Variants in LAMA4 observed in about 807,000 individuals in gnomAD.
LAMA4 encodes laminin subunit alpha-4.
A neutral mutation model predicts 207.1 loss-of-function variants in LAMA4; 127 were observed. The ratio of observed to expected loss-of-function variants is 0.61; its 90% confidence interval spans 0.53 to 0.71. The LOEUF (loss-of-function observed/expected upper bound fraction) is 0.71, where lower values mean the gene tolerates loss of function less well. Ranked by LOEUF, LAMA4 falls within the 30% of genes least tolerant of loss-of-function variation. LAMA4 has a pLI of 0.00. For missense variants in LAMA4, 2,093 were observed against 2,246.5 expected, an observed-to-expected ratio of 0.93 and a Z score of 1.38; for synonymous variants, 761 against 816.0, an observed-to-expected ratio of 0.93 and a Z score of 1.15.
Position 112,178,137 on chromosome 6 carries a change from C to T in LAMA4, c.1173G>A (p.Met391Ile). The T allele has an allele frequency of 6.2e-7, 1 of 1,611,410 alleles. No homozygotes were observed. The highest frequency in any genetic ancestry group is 1.1e-5 in the South Asian group (1 of 91,022). The change falls in exon 10 of 39, where the codon ATG becomes ATA. Residue 391 changes from methionine (M) to isoleucine (I), a missense_variant. This residue lies in a region of LAMA4 where 1,704 missense variants were observed against 1,788.4 expected (regional missense o/e 0.95). Transcript: ENST00000230538. ...TATATTTACCTTGGATTTTATCCCT[C>T]ATATCATGGGCTTGCTCTACCAGCT... is the stretch of plus-strand genomic sequence containing the variant. ...ASQLVEQAHD[M>I]RDKIQEINNK...
chr6:112,178,297 TA>T (rs1247981293), intron 9 of LAMA4, 65 bp from the exon 10 acceptor site: 6 of 1,125,398 alleles, frequency 5.3e-6, no homozygotes, highest in African/African-American at 4.6e-5. Flanking sequence ...TAAGCACAGA[TA>T]GGGGTGGGTG....
chr6:112,201,191 A>C (rs1783726811), intron 5 of LAMA4, among the ~76,000 whole-genome samples: 1 of 152,110 alleles, frequency 6.6e-6, no homozygotes, highest in East Asian at 1.9e-4. Context: ...GTTTTTTTCT[A>C]ATTTATTGCT....
intron 6 of LAMA4, among the ~76,000 whole-genome samples, chr6:112,190,006 C>T (rs1782922797): frequency 6.6e-6 from 1 of 152,136 alleles, no homozygotes; most frequent in Non-Finnish European, 1.5e-5. Context: ...TGCATTTCCC[C>T]CCACTTCTTA....
At chr6:112,158,676 A>G (rs1780871289) in intron 14 of LAMA4, 56 bp downstream of exon 14, 3 of 1,465,226 alleles carry the variant, frequency 2.0e-6, no homozygotes, top group Admixed American at 1.7e-5. Flanking sequence ...GGAATTGAAT[A>G]GTAATATTTT....
intron 3 of LAMA4, chr6:112,214,179 T>C (rs1158041776): frequency 4.3e-6 from 2 of 463,426 alleles, no homozygotes; most frequent in Non-Finnish European, 7.7e-6. Flanking sequence ...CTTTTTATAT[T>C]CATGTGCAAG....
At chr6:112,194,448 C>T (rs1783294204) in intron 5 of LAMA4, among the ~76,000 whole-genome samples, 2 of 152,184 alleles carry the variant, frequency 1.3e-5, no homozygotes, top group South Asian at 2.1e-4. Flanking sequence ...CTTTGAGTTA[C>T]TCTGAGTCTT....
chr6:112,251,615 C>T (rs1244659006), intron 2 of LAMA4: 2 of 152,238 alleles, frequency 1.3e-5, no homozygotes, highest in Non-Finnish European at 2.9e-5. Context: ...CCTGAGCCAA[C>T]CCAGTAAAGT....
At position 112,131,001 on chromosome 6, in the gene LAMA4, G is replaced by A; in HGVS notation, c.3935C>T (p.Ser1312Phe). 6.2e-7 allele frequency: 1 copy of A among 1,613,076 alleles called. No individual in the cohort carries two copies. Among genetic ancestry groups the A allele is most frequent in the Non-Finnish European group, 8.5e-7 (1 of 1,179,196 alleles). ...TGAGACAGAGCTAATGACGAAGTGGGACAGCCCATCATTGTACTGCTTATC... is the reference window on the plus strand; with the variant it reads ...TGAGACAGAGCTAATGACGAAGTGGAACAGCCCATCATTGTACTGCTTATC... ...SVDKQYNDGL[S>F]HFVISSVSPT... is the part of the protein sequence containing the mutation. Residue 1312 changes from serine (S) to phenylalanine (F), a missense_variant, in exon 29 of 39, where the codon TCC becomes TTC. Around this residue, in one of 3 missense-constraint regions of LAMA4, gnomAD observed 1,704 missense variants for 1,788.4 expected, o/e 0.95. Transcript: ENST00000230538.
intron 9 of LAMA4, among the ~76,000 whole-genome samples, chr6:112,182,538 T>G (rs1372990042): frequency 6.6e-6 from 1 of 152,218 alleles, no homozygotes; most frequent in Non-Finnish European, 1.5e-5. Flanking sequence ...GAGGTTCAGA[T>G]GCTTTTGATG....
At position 112,120,351 on chromosome 6, in the gene LAMA4, A is replaced by G; in HGVS notation, c.4597T>C (p.Phe1533Leu). ...TTCAGTTTTTTGTGACCAACATTAA[A>G]CATGTAAACCAAGCGGCCATGGGCC... ...FLAHGRLVYM[F>L]NVGHKKLKIR... Residue 1533 changes from phenylalanine (F) to leucine (L), a missense_variant, in exon 33 of 39, where the codon TTT (phenylalanine) becomes CTT (leucine). Phe to Leu is a conservative substitution (Grantham distance 22, BLOSUM62 0). Coordinates refer to ENST00000230538, the MANE Select transcript of LAMA4 (RefSeq NM_001105206.3). The G allele has an allele frequency of 6.2e-7, 1 of 1,614,072 alleles. No homozygotes were observed. The highest frequency in any genetic ancestry group is 1.7e-4 in the Middle Eastern group (1 of 6,060).
At chr6:112,247,112 G>C (rs1554188820) in intron 2 of LAMA4, among the ~76,000 whole-genome samples, 1 of 152,196 alleles carries the variant, frequency 6.6e-6, no homozygotes, top group Non-Finnish European at 1.5e-5. Flanking sequence ...GGAAAAATGA[G>C]GGAAAGGAAG....
In LAMA4 at chr6:112,163,806, T is replaced by C. The variant is rs188000063; in HGVS notation, c.1668+1354A>G. On this transcript the variant is annotated intron_variant, in intron 13 of 38. Coordinates refer to ENST00000230538, the MANE Select transcript of LAMA4 (RefSeq NM_001105206.3). ...TTGATATTTAAAAGATAGGAGATAG[T>C]ACAGCACGTTTGTACGCTGATGGTA... is the stretch of plus-strand genomic sequence containing the variant. Among the ~76,000 whole-genome samples the C allele has an allele frequency of 1.9e-3, 289 of 152,294 alleles. 3 individuals carry two copies. The highest frequency in any genetic ancestry group is 5.6e-3 in the African/African-American group (232 of 41,550).
chr6:112,205,573 A>C (rs1784011994), intron 4 of LAMA4, among the ~76,000 whole-genome samples: 1 of 152,098 alleles, frequency 6.6e-6, no homozygotes, highest in Non-Finnish European at 1.5e-5. Flanking sequence ...AATAAAAAAA[A>C]CAGTATTTAG....
chr6:112,144,816 T>C lies in LAMA4; in HGVS notation c.2471A>G (p.Gln824Arg), dbSNP rs1554334100. ...TACCTTGCTGGCAACACTTCTGGTCTGAGCAATGAGCTCTCGGATCCTCTG... is the reference window on the plus strand; with the variant it reads ...TACCTTGCTGGCAACACTTCTGGTCCGAGCAATGAGCTCTCGGATCCTCTG... ...SIQRIRELIA[Q>R]TRSVASKIQV... Residue 824 changes from glutamine (Q) to arginine (R), a missense_variant, in exon 19 of 39, where the codon CAG (glutamine) becomes CGG (arginine). Around this residue, in one of 3 missense-constraint regions of LAMA4, gnomAD observed 1,704 missense variants for 1,788.4 expected, o/e 0.95. Transcript: ENST00000230538. 2.5e-6 allele frequency: 4 copies of C among 1,613,576 alleles called. No individual in the cohort carries two copies. Among genetic ancestry groups the C allele is most frequent in the Admixed American group, 1.7e-5 (1 of 60,004 alleles).
chr6:112,109,367 T>A lies in LAMA4; in HGVS notation c.*70A>T. On this transcript the variant is annotated 3_prime_UTR_variant, in exon 39 of 39. Coordinates refer to ENST00000230538, the MANE Select transcript of LAMA4 (RefSeq NM_001105206.3). ...CACCCGAAGGAAGAGTTACTGTTCC[T>A]CCTGGCTGGCTTTGTGTTTCTTTCA... is the stretch of plus-strand genomic sequence containing the variant. 1.3e-6 allele frequency: 2 copies of A among 1,568,156 alleles called. No homozygotes were observed. Among genetic ancestry groups the A allele is most frequent in the Non-Finnish European group, 1.7e-6 (2 of 1,143,010 alleles).
At chr6:112,201,112 A>G (rs1554352283) in intron 5 of LAMA4, among the ~76,000 whole-genome samples, 1 of 151,974 alleles carries the variant, frequency 6.6e-6, no homozygotes, top group Non-Finnish European at 1.5e-5. Context: ...ACTCCTGTGG[A>G]ATTTGTTTAC....
At chr6:112,115,139 A>T (rs1777939839) in intron 36 of LAMA4, among the ~76,000 whole-genome samples, 1 of 152,178 alleles carries the variant, frequency 6.6e-6, no homozygotes, top group Admixed American at 6.5e-5. Flanking sequence ...TCGTTTGTAA[A>T]TTATAAGCGA....
Position 112,217,668 on chromosome 6 carries a change from C to T in LAMA4, c.196-1199G>A, listed in dbSNP as rs1784706415. On this transcript the variant is annotated intron_variant, in intron 2 of 38. Transcript: ENST00000230538. ...ACTTTAAAACTAAAATTTAATAAAC[C>T]CCATTTGGAGGAAGTTTAATAAAGA... The T allele has an allele frequency of 2.6e-5, 4 of 151,482 alleles. No individual in the cohort carries two copies. The South Asian group carries it at 8.3e-4, about 32-fold the overall frequency. 9.4% of individuals were successfully genotyped at this position (151,482 alleles called of 1,614,324 possible). A position where few individuals can be genotyped will look rare whatever the true frequency, so the allele number is the denominator to read the frequency against.
chr6:112,123,286 C>T (rs1275944439), intron 31 of LAMA4, among the ~76,000 whole-genome samples: 1 of 152,158 alleles, frequency 6.6e-6, no homozygotes, highest in African/African-American at 2.4e-5. Flanking sequence ...TGAATGCACA[C>T]TCACAGGCAA....
Sources: allele counts gnomAD v4.1 joint callset (sites outside exome capture counted in the v4.1 genomes callset), GRCh38; gene constraint gnomAD v4.1.1; regional missense constraint gnomAD v4.1.1; transcripts MANE v1.5; gene names NCBI Gene and HGNC (gene_info 2026-07-23, HGNC 2026-07-21).